The following ATP13A4 variants were observed in gnomAD, a reference collection of about 807,000 sequenced individuals.
ATP13A4 encodes the protein ATPase 13A4, also known as probable cation-transporting ATPase 13A4.
ATP13A4 carries 114 observed loss-of-function variants against 142.5 expected under a neutral mutation model. The ratio of observed to expected loss-of-function variants is 0.80; its 90% CI spans 0.69 to 0.93. The LOEUF is 0.93. Ranked by LOEUF, ATP13A4 falls within the 40% of genes least tolerant of loss-of-function variation. The pLI, the probability that ATP13A4 is intolerant of heterozygous loss-of-function variation, is 0.00. For missense variants in ATP13A4, 1,392 were observed against 1,454.0 expected, an observed-to-expected ratio of 0.96 and a Z score of 0.69; for synonymous variants, 488 against 514.8, an observed-to-expected ratio of 0.95 and a Z score of 0.70.
chr3:193,561,515 T>TTAATGACA, intron 2 of ATP13A4, among the ~76,000 whole-genome samples: 1 of 152,338 alleles, frequency 6.6e-6, no homozygotes, highest in South Asian at 2.1e-4. Context: ...GAAACTGAAA[T>TTAATGACA]TAATGACAAA....
At position 193,402,706 on chromosome 3, in the gene ATP13A4, G is replaced by T; in HGVS notation, c.3537C>A (p.Gly1179=). The change falls in exon 30 of 30, where the codon GGC becomes GGA. Residue 1179 remains glycine, a synonymous_variant. Coordinates refer to ENST00000342695, the MANE Select transcript of ATP13A4 (RefSeq NM_032279.4). ...CTGGATTGCTGTAAGACACTCCTCTGCCACACTCCGGCATGTCAGAGTGGG... is the reference window on the plus strand; with the variant it reads ...CTGGATTGCTGTAAGACACTCCTCTTCCACACTCCGGCATGTCAGAGTGGG... ...QTSHSDMPEC[G]RGVSYSNPVF... The T allele has an allele frequency of 7.1e-7, 1 of 1,401,012 alleles. No individual in the cohort carries two copies. Among genetic ancestry groups the T allele is most frequent in the Non-Finnish European group, 1.0e-6 (1 of 985,770 alleles). 86.8% of individuals were successfully genotyped at this position (1,401,012 alleles called of 1,614,324 possible). A position where few individuals can be genotyped will look rare whatever the true frequency, so the allele number is the denominator to read the frequency against.
At position 193,407,868 on chromosome 3, in the gene ATP13A4, C is replaced by T. The variant is rs59361471; in HGVS notation, c.3298-475G>A. Among the ~76,000 whole-genome samples the T allele has an allele frequency of 7.4e-3, 1,128 of 152,306 alleles. 15 individuals carry two copies. Among genetic ancestry groups the T allele is most frequent in the African/African-American group, 0.026 (1,079 of 41,558 alleles). On this transcript the variant is annotated intron_variant, in intron 28 of 29. Transcript: ENST00000342695. ...CATTGCCCTCTTCTCCCTGGTGTCC[C>T]GTCTCTCCCCAGCCAAGCCCTGCCT...
chr3:193,468,034 C>T (rs187634372), intron 9 of ATP13A4, among the ~76,000 whole-genome samples: 3 of 152,194 alleles, frequency 2.0e-5, no homozygotes, highest in Non-Finnish European at 2.9e-5. Context: ...AAAAAATCAG[C>T]CAGGTGTGGT....
At chr3:193,548,298 C>A (rs546835445) in intron 1 of ATP13A4, among the ~76,000 whole-genome samples, 2 of 152,080 alleles carry the variant, frequency 1.3e-5, no homozygotes, top group Non-Finnish European at 2.9e-5. Flanking sequence ...CTATCATGCC[C>A]GGAGTTTTTG....
At position 193,470,961 on chromosome 3, in the gene ATP13A4, C is replaced by A; in HGVS notation, c.841G>T (p.Val281Leu). The A allele has an allele frequency of 6.2e-7, 1 of 1,614,126 alleles. No individual in the cohort carries two copies. Among genetic ancestry groups the A allele is most frequent in the Non-Finnish European group, 8.5e-7 (1 of 1,180,002 alleles). The change falls in exon 9 of 30, where the codon GTG (valine) becomes TTG (leucine). Residue 281 changes from valine to leucine, a missense_variant. Transcript: ENST00000342695. ...GVQELESRVL[V>L]PGDLLILTGN... is the part of the protein sequence containing the mutation. ...GTCAAAATTAATAAATCTCCAGGCA[C>A]CAGGACGCGTGATTCCAGCTCTTGA...
intron 2 of ATP13A4, among the ~76,000 whole-genome samples, chr3:193,573,721 T>G (rs1431010892): frequency 6.6e-6 from 1 of 152,196 alleles, no homozygotes; most frequent in Non-Finnish European, 1.5e-5. Flanking sequence ...CTAGCTCAGC[T>G]GTGGAATTTT....
rs1714298801 is a variant in ATP13A4, at chr3:193,402,502, T to G, written c.*150A>C. 2 of 638,586 alleles carry G rather than the reference T, an allele frequency of 3.1e-6. No homozygotes were observed. The highest frequency in any genetic ancestry group is 3.7e-5 in the South Asian group (2 of 54,466). The allele number at this position is 638,586 out of a possible 1,614,324, so 39.6% of individuals were successfully genotyped here. ...ATGTTCTTCTCTGTAGACAGTATTT[T>G]ATCAAACAGACTTTAGTTTGTCACC... is the stretch of plus-strand genomic sequence containing the variant. On this transcript the variant is annotated 3_prime_UTR_variant, in exon 30 of 30. Coordinates refer to ENST00000342695, the MANE Select transcript of ATP13A4 (RefSeq NM_032279.4).
At chr3:193,590,590 G>A (rs962798620) in intron 1 of ATP13A4, among the ~76,000 whole-genome samples, 5 of 152,142 alleles carry the variant, frequency 3.3e-5, no homozygotes, top group African/African-American at 9.7e-5. Context: ...CCTGAGCAAC[G>A]AGGGAGTTAG....
intron 18 of ATP13A4, among the ~76,000 whole-genome samples, chr3:193,447,501 T>A (rs1232411484): frequency 6.6e-6 from 1 of 152,164 alleles, no homozygotes. Flanking sequence ...AGCATCTGAC[T>A]ACAAGAGCAG....
intron 2 of ATP13A4, among the ~76,000 whole-genome samples, chr3:193,569,290 A>G (rs2108740357): frequency 6.6e-6 from 1 of 152,370 alleles, no homozygotes; most frequent in East Asian, 1.9e-4. Context: ...ACAAAATACC[A>G]GTCTAGTAGT....
Position 193,492,967 on chromosome 3 carries a change from C to A in ATP13A4, c.483G>T (p.Lys161Asn), listed in dbSNP as rs576638923. 6.2e-7 allele frequency: 1 copy of A among 1,611,292 alleles called. No homozygotes were observed. Among genetic ancestry groups the A allele is most frequent in the Middle Eastern group, 1.7e-4 (1 of 5,754 alleles). The change falls in exon 5 of 30, where the codon AAG (lysine) becomes AAT (asparagine). Residue 161 changes from lysine to asparagine, a missense_variant. Lys to Asn is a moderately conservative substitution (Grantham distance 94). Transcript: ENST00000342695. ...GSLEDWLSSAKIHQKFGSGLT... is the reference protein window; with the variant it reads ...GSLEDWLSSANIHQKFGSGLT... ...AGCCTGATCCAAATTTTTGATGTAT[C>A]TTGGCAGAACTAAGCCAGTCTTCCA...
At chr3:193,435,949 C>A (rs1716242882) in intron 23 of ATP13A4, among the ~76,000 whole-genome samples, 1 of 152,182 alleles carries the variant, frequency 6.6e-6, no homozygotes, top group South Asian at 2.1e-4. Flanking sequence ...CAATTCCAGG[C>A]CAAGGTCCAA....
intron 2 of ATP13A4, among the ~76,000 whole-genome samples, chr3:193,571,511 G>C (rs1724265800): frequency 6.6e-6 from 1 of 152,094 alleles, no homozygotes; most frequent in Admixed American, 6.6e-5. Context: ...TTACAGTGGA[G>C]AAACCTACCA....
chr3:193,445,245 G>A (rs1639286813), intron 18 of ATP13A4, among the ~76,000 whole-genome samples: 2 of 151,750 alleles, frequency 1.3e-5, no homozygotes, highest in African/African-American at 4.8e-5. Flanking sequence ...AGACAATCCT[G>A]GCCAACATGG....
intron 2 of ATP13A4, among the ~76,000 whole-genome samples, chr3:193,573,275 A>ATT (rs1724312768): frequency 2.1e-5 from 2 of 95,266 alleles, no homozygotes; most frequent in Non-Finnish European, 2.1e-5. Flanking sequence ...ATATATATAT[A>ATT]CATATATATA....
Position 193,459,245 on chromosome 3 carries a change from G to T in ATP13A4, c.1524-14C>A, listed in dbSNP as rs1245472530. 6.2e-7 allele frequency: 1 copy of T among 1,614,184 alleles called. No individual in the cohort carries two copies. Among genetic ancestry groups the T allele is most frequent in the Admixed American group, 1.7e-5 (1 of 60,034 alleles). On this transcript the variant is annotated splice_polypyrimidine_tract_variant and intron_variant, in intron 13 of 29. Coordinates refer to ENST00000342695, the MANE Select transcript of ATP13A4 (RefSeq NM_032279.4). ...ACTTCCTGAAAGCTTAAGGAGAAAAGGAAATGGGTTTCCATTCCATCGCCT... is the reference window on the plus strand; with the variant it reads ...ACTTCCTGAAAGCTTAAGGAGAAAATGAAATGGGTTTCCATTCCATCGCCT...
At chr3:193,416,320 A>G (rs1175304701) in intron 25 of ATP13A4, among the ~76,000 whole-genome samples, 1 of 152,204 alleles carries the variant, frequency 6.6e-6, no homozygotes, top group Non-Finnish European at 1.5e-5. Context: ...AGAGCAAAAT[A>G]AATGGACAGA....
At position 193,433,078 on chromosome 3, in the gene ATP13A4, T is replaced by C. The variant is rs116156523; in HGVS notation, c.2842+767A>G. On this transcript the variant is annotated intron_variant, in intron 25 of 29. Transcript: ENST00000342695. ...CTATGATTGCAATTGATGACTGAAT[T>C]AGTTTCAACATGAATGTTGGTTGAG... Among the ~76,000 whole-genome samples the C allele has an allele frequency of 6.0e-3, 914 of 152,322 alleles. 12 individuals carry two copies. The highest frequency in any genetic ancestry group is 0.02 in the African/African-American group (845 of 41,582).
intron 14 of ATP13A4, chr3:193,458,746 C>T: frequency 2.0e-6 from 1 of 507,492 alleles, no homozygotes; most frequent in Non-Finnish European, 3.5e-6. Flanking sequence ...CGAAACCAGA[C>T]AATGCTCGGA....
Sources: allele counts gnomAD v4.1 joint callset (sites outside exome capture counted in the v4.1 genomes callset), GRCh38; gene constraint gnomAD v4.1.1; transcripts MANE v1.5; gene names NCBI Gene and HGNC (gene_info 2026-07-23, HGNC 2026-07-21).